The following SMAD4 variants were observed in gnomAD, a reference collection of about 807,000 sequenced individuals.
SMAD4 encodes the protein SMAD family member 4, also known as MAD homolog 4.
SMAD4 carries 7 observed loss-of-function variants against 63.2 expected under a neutral mutation model. That is an observed-to-expected ratio of 0.11 (90% CI 0.06 to 0.21). The LOEUF is 0.21. SMAD4 is among the 10% of genes least tolerant of loss of function. The pLI is 1.00. For synonymous variants in SMAD4, 215 were observed against 235.4 expected (o/e 0.91, Z 0.79); for missense variants, 312 against 693.8 (o/e 0.45, Z 6.18).
At chr18:51,050,675 G>T (rs1338210381) in intron 4 of SMAD4, among the ~76,000 whole-genome samples, 1 of 147,890 alleles carries the variant, frequency 6.8e-6, no homozygotes, top group Non-Finnish European at 1.5e-5. Context: ...AAAAAAAAAA[G>T]GAACCACTGT....
intron 8 of SMAD4, among the ~76,000 whole-genome samples, chr18:51,061,053 AAT>A (rs975939470): frequency 6.6e-5 from 10 of 152,134 alleles, no homozygotes; most frequent in African/African-American, 2.4e-4. Context: ...AAATTAAAAA[AAT>A]ATATTTTTAA....
intron 4 of SMAD4, chr18:51,053,848 G>T (rs1909772226): frequency 6.6e-6 from 1 of 152,174 alleles, no homozygotes; most frequent in East Asian, 1.9e-4. Flanking sequence ...TAGTTCAGTG[G>T]ATTGTTAAGT....
At chr18:51,067,285 T>C in intron 10 of SMAD4, 98 bp downstream of exon 10, 1 of 624,894 alleles carries the variant, frequency 1.6e-6, no homozygotes, top group South Asian at 2.2e-5. Context: ...ATGTTTTATA[T>C]ATTAAATAAT....
chr18:51,070,863 A>G (rs1360551185), intron 10 of SMAD4, among the ~76,000 whole-genome samples: 3 of 152,102 alleles, frequency 2.0e-5, no homozygotes, highest in African/African-American at 7.2e-5. Flanking sequence ...AATGGCCCCA[A>G]AGTGCAAGGG....
chr18:51,045,857 T>C (rs900564288), intron 1 of SMAD4, among the ~76,000 whole-genome samples: 2 of 152,162 alleles, frequency 1.3e-5, no homozygotes, highest in Non-Finnish European at 2.9e-5. Flanking sequence ...TTGCCTATTC[T>C]GTATATTTCA....
chr18:51,083,423 G>T lies in SMAD4; in HGVS notation c.*4956G>T, dbSNP rs1005951458. On this transcript the variant is annotated 3_prime_UTR_variant, in exon 12 of 12. Coordinates refer to ENST00000342988, the MANE Select transcript of SMAD4 (RefSeq NM_005359.6). ...TTTTCAGGGATTTTAACATCAGACT[G>T]GAATGAATGAATGAAACTTTTTGTC... is the stretch of plus-strand genomic sequence containing the variant. 4.4e-6 allele frequency: 1 copy of T among 228,988 alleles called. No homozygotes were observed. The highest frequency in any genetic ancestry group is 8.6e-6 in the Non-Finnish European group (1 of 115,646). The allele number at this position is 228,988 out of a possible 1,614,324, so 14.2% of individuals were successfully genotyped here. A position where few individuals can be genotyped will look rare whatever the true frequency, so the allele number is the denominator to read the frequency against.
At chr18:51,062,849 T>TTG in intron 8 of SMAD4, among the ~76,000 whole-genome samples, 1 of 133,492 alleles carries the variant, frequency 7.5e-6, no homozygotes, top group African/African-American at 2.8e-5. Context: ...CTGGCTTTAC[T>TTG]TGTTTTTTTT....
Position 51,058,190 on chromosome 18 carries a change from C to T in SMAD4, c.733C>T (p.Gln245Ter), listed in dbSNP as rs2144427253. 1 of 1,614,180 alleles carries T rather than the reference C, an allele frequency of 6.2e-7. No individual in the cohort carries two copies. The highest frequency in any genetic ancestry group is 8.5e-7 in the Non-Finnish European group (1 of 1,180,006). The change falls in exon 6 of 12, where the codon CAG becomes TAG. Residue 245 changes from glutamine (Q) to a stop codon, truncating the protein, a stop_gained. Coordinates refer to ENST00000342988, the MANE Select transcript of SMAD4 (RefSeq NM_005359.6). LOFTEE classifies it high-confidence loss of function. ...ACTGTTGCAGATAGCATCAGGGCCTCAGCCAGGACAGCAGCAGAATGGATT... is the reference window on the plus strand; with the variant it reads ...ACTGTTGCAGATAGCATCAGGGCCTTAGCCAGGACAGCAGCAGAATGGATT... ...EGLLQIASGP[Q>*]PGQQQNGFTG... is the part of the protein sequence containing the mutation.
At chr18:51,051,250 C>T (rs528787121) in intron 4 of SMAD4, 14 of 392,854 alleles carry the variant, frequency 3.6e-5, no homozygotes, top group East Asian at 1.4e-4. Flanking sequence ...TGGGATTGTA[C>T]GGGTTGATAG....
At chr18:51,052,983 T>G (rs1909749402) in intron 4 of SMAD4, 1 of 152,390 alleles carries the variant, frequency 6.6e-6, no homozygotes, top group Non-Finnish European at 1.5e-5. Context: ...TGAGAAACAT[T>G]TATTATGGAT....
chr18:51,068,977 A>G (rs1486017592), intron 10 of SMAD4, among the ~76,000 whole-genome samples: 2 of 152,134 alleles, frequency 1.3e-5, no homozygotes, highest in Non-Finnish European at 2.9e-5. Flanking sequence ...TTGTTAAATG[A>G]TATCATGATA....
At chr18:51,037,931 A>G (rs1044545304) in intron 1 of SMAD4, among the ~76,000 whole-genome samples, 3 of 152,166 alleles carry the variant, frequency 2.0e-5, no homozygotes, top group African/African-American at 7.2e-5. Context: ...ATGACTTGCC[A>G]GTTTCTTAAT....
chr18:51,038,862 A>G (rs1322355730), intron 1 of SMAD4, among the ~76,000 whole-genome samples: 1 of 152,234 alleles, frequency 6.6e-6, no homozygotes. Context: ...TATAGCCCGC[A>G]TAAAAGCTAT....
Position 51,084,160 on chromosome 18 carries a change from T to C in SMAD4, c.*5693T>C, listed in dbSNP as rs1235592057. 8.7e-6 allele frequency: 2 copies of C among 230,536 alleles called. No individual in the cohort carries two copies. The highest frequency in any genetic ancestry group is 4.5e-5 in the African/African-American group (2 of 44,908). The allele number at this position is 230,536 out of a possible 1,614,324, so 14.3% of individuals were successfully genotyped here. On this transcript the variant is annotated 3_prime_UTR_variant, in exon 12 of 12. Transcript: ENST00000342988. Reference sequence around the variant, plus strand: ...TTAAGGCTTTCGAGTCATGACATTATAGCTTTTGAGTTGGTGTGTGTGACA... The same window carrying C: ...TTAAGGCTTTCGAGTCATGACATTACAGCTTTTGAGTTGGTGTGTGTGACA...
In SMAD4 at chr18:51,084,096, G is replaced by GCA. The variant is rs368759758; in HGVS notation, c.*5639_*5640dup. On this transcript the variant is annotated 3_prime_UTR_variant, in exon 12 of 12. Transcript: ENST00000342988. The stretch of plus-strand genomic sequence containing the variant: ...TGACATTCTAGCTTTTGAATTGCGT[G>GCA]CACACACACACGCACGCACACACTC... 1.4e-4 allele frequency: 33 copies of GCA among 230,738 alleles called. No individual in the cohort carries two copies. The highest frequency in any genetic ancestry group is 1.3e-3 in the Middle Eastern group (1 of 776). The allele number at this position is 230,738 out of a possible 1,614,324, so 14.3% of individuals were successfully genotyped here.
Position 51,049,622 on chromosome 18 carries a change from C to G in SMAD4, c.454+298C>G, listed in dbSNP as rs1267843921. ...TAAAGAATATTTTTTGAGTTAAGAC[C>G]TATTTTTGAAGAAAATCTCACAGAG... On this transcript the variant is annotated intron_variant, in intron 4 of 11. Coordinates refer to ENST00000342988, the MANE Select transcript of SMAD4 (RefSeq NM_005359.6). 9.1e-6 allele frequency: 3 copies of G among 330,056 alleles called. No individual in the cohort carries two copies. The East Asian group carries it at 1.6e-4, about 17-fold the overall frequency. 20.4% of individuals were successfully genotyped at this position (330,056 alleles called of 1,614,324 possible). A position where few individuals can be genotyped will look rare whatever the true frequency, so the allele number is the denominator to read the frequency against.
chr18:51,035,054 T>TA (rs1216663406), intron 1 of SMAD4, among the ~76,000 whole-genome samples: 2 of 152,244 alleles, frequency 1.3e-5, no homozygotes, highest in Non-Finnish European at 2.9e-5. Context: ...AATACAGTGT[T>TA]ACACACATGT....
intron 4 of SMAD4, chr18:51,053,013 C>T (rs920397014): frequency 5.3e-5 from 8 of 152,214 alleles, no homozygotes; most frequent in African/African-American, 1.4e-4. Flanking sequence ...TTAAAGAGAT[C>T]TGTAGACCAG....
rs544351976 is a variant in SMAD4 at position 51,037,223 on chromosome 18, T to C, written c.-128+6600T>C. ...TTTTATAAAATGTATTTTTCAGTTA[T>C]CAGTTATTAAAATTCAGTTTGGTTT... On this transcript the variant is annotated intron_variant, in intron 1 of 11. Coordinates refer to ENST00000342988, the MANE Select transcript of SMAD4 (RefSeq NM_005359.6). 7.2e-5 allele frequency among the ~76,000 whole-genome samples: 11 copies of C among 152,368 alleles called. No homozygotes were observed. In the East Asian group the frequency reaches 2.1e-3, roughly 29 times the overall value.
Sources: gnomAD v4.1 joint callset for allele counts (sites outside exome capture counted in the v4.1 genomes callset) on GRCh38, gnomAD v4.1.1 for gene constraint, MANE v1.5 for transcripts, NCBI Gene and HGNC (gene_info 2026-07-23, HGNC 2026-07-21) for gene names.